The following EGFLAM variants were observed in gnomAD, a reference collection of about 807,000 sequenced individuals.
EGFLAM encodes EGF like, fibronectin type III and laminin G domains.
Under a neutral mutation model 113.1 loss-of-function variants are expected in EGFLAM, and 79 were observed. The ratio of observed to expected loss-of-function variants is 0.70; its 90% CI spans 0.58 to 0.84. EGFLAM has a LOEUF of 0.84. Among genes scored for constraint, EGFLAM ranks in the 40% least tolerant of loss-of-function variants. The pLI is 0.00. For synonymous variants in EGFLAM, 504 were observed against 487.6 expected (o/e 1.03, Z -0.44); for missense variants, 1,265 against 1,291.6 (o/e 0.98, Z 0.32).
chr5:38,448,434 A>G, intron 18 of EGFLAM, 55 bp downstream of exon 18: 1 of 1,562,666 alleles, frequency 6.4e-7, no homozygotes, highest in Non-Finnish European at 8.8e-7. Context: ...ATTTCTCTAT[A>G]TCTTTCTCAG....
At chr5:38,307,945 G>A (rs1015048166) in intron 1 of EGFLAM, among the ~76,000 whole-genome samples, 4 of 152,122 alleles carry the variant, frequency 2.6e-5, no homozygotes, top group Admixed American at 1.3e-4. Context: ...ATGTTTCTCT[G>A]GTATGCTCTG....
At chr5:38,332,871 C>A (rs907257950) in intron 1 of EGFLAM, among the ~76,000 whole-genome samples, 1 of 152,170 alleles carries the variant, frequency 6.6e-6, no homozygotes, top group Non-Finnish European at 1.5e-5. Context: ...CTTCAGTGTG[C>A]GCGTCATAGC....
chr5:38,416,242 C>A (rs1476222532), intron 11 of EGFLAM, among the ~76,000 whole-genome samples: 1 of 152,110 alleles, frequency 6.6e-6, no homozygotes, highest in East Asian at 1.9e-4. Context: ...CAGCAACAGA[C>A]CTGAGATGTG....
chr5:38,289,325 ACC>A, intron 1 of EGFLAM, among the ~76,000 whole-genome samples: 2 of 150,358 alleles, frequency 1.3e-5, no homozygotes, highest in Middle Eastern at 7.0e-3. Context: ...TTTACTTGAA[ACC>A]TGTAATAGGC....
intron 21 of EGFLAM, 41 bp from the exon 22 acceptor site, chr5:38,463,791 T>A: frequency 6.2e-7 from 1 of 1,605,358 alleles, no homozygotes; most frequent in Non-Finnish European, 8.5e-7. Context: ...TGCGGACACC[T>A]GTCCTTTGGC....
intron 20 of EGFLAM, 78 bp downstream of exon 20, chr5:38,458,472 C>T: frequency 7.0e-7 from 1 of 1,435,106 alleles, no homozygotes; most frequent in Non-Finnish European, 9.6e-7. Flanking sequence ...CTTGTAGTCC[C>T]ACTGTCCTGT....
At chr5:38,449,517 C>T (rs1043003431) in intron 18 of EGFLAM, among the ~76,000 whole-genome samples, 1 of 152,094 alleles carries the variant, frequency 6.6e-6, no homozygotes, top group African/African-American at 2.4e-5. Context: ...GCAGTGACAG[C>T]GTGAAAGGGG....
chr5:38,409,882 C>T (rs13157800), intron 10 of EGFLAM, among the ~76,000 whole-genome samples: 49 of 152,192 alleles, frequency 3.2e-4, no homozygotes, highest in Non-Finnish European at 4.3e-4. Flanking sequence ...AGAGTTTTGT[C>T]GAAGGGTGAA....
rs771484348 is a variant in EGFLAM, at chr5:38,463,989, C to T, written c.*3C>T. On this transcript the variant is annotated 3_prime_UTR_variant, in exon 22 of 22. Coordinates refer to ENST00000322350, the MANE Select transcript of EGFLAM (RefSeq NM_152403.4). ...TCAACACTTGTGGAGCCAAGTAACA[C>T]CAGCTGGCCTTGTCCAAGGGACAGA... The T allele has an allele frequency of 1.8e-5, 29 of 1,614,090 alleles. No homozygotes were observed. The Admixed American group carries it at 4.7e-4, about 26-fold the overall frequency.
intron 17 of EGFLAM, among the ~76,000 whole-genome samples, chr5:38,440,045 A>C (rs1339328449): frequency 1.3e-5 from 2 of 152,214 alleles, no homozygotes; most frequent in Admixed American, 1.3e-4. Context: ...GCTCACATTT[A>C]TAGCTTTGTA....
intron 6 of EGFLAM, among the ~76,000 whole-genome samples, chr5:38,378,294 C>G (rs1227730488): frequency 6.6e-6 from 1 of 152,126 alleles, no homozygotes; most frequent in Non-Finnish European, 1.5e-5. Flanking sequence ...GTGAGTCTGG[C>G]TTTTGCCCAG....
At chr5:38,445,593 G>C in intron 17 of EGFLAM, 2 of 1,598,002 alleles carry the variant, frequency 1.3e-6, no homozygotes, top group South Asian at 1.1e-5. Flanking sequence ...CTGGCTTCAA[G>C]TGATCTGCAA....
intron 13 of EGFLAM, 25 bp downstream of exon 13, chr5:38,425,117 G>A (rs761972993): frequency 1.6e-5 from 26 of 1,607,172 alleles, no homozygotes; most frequent in Middle Eastern, 1.7e-4. Flanking sequence ...AGTTGAAGGC[G>A]GTTTCTATCT....
intron 11 of EGFLAM, among the ~76,000 whole-genome samples, chr5:38,413,765 C>G (rs1347776772): frequency 6.6e-6 from 1 of 152,152 alleles, no homozygotes; most frequent in Admixed American, 6.6e-5. Flanking sequence ...GCAGTGGTCC[C>G]CAACCTTTTT....
intron 19 of EGFLAM, among the ~76,000 whole-genome samples, chr5:38,452,676 A>G (rs1282204299): frequency 6.6e-6 from 1 of 152,228 alleles, no homozygotes; most frequent in Non-Finnish European, 1.5e-5. Flanking sequence ...AGCTGTGGGA[A>G]GGAGAATCCC....
At chr5:38,279,953 TA>T (rs1757974341) in intron 1 of EGFLAM, among the ~76,000 whole-genome samples, 1 of 152,218 alleles carries the variant, frequency 6.6e-6, no homozygotes, top group African/African-American at 2.4e-5. Context: ...ATATATACTT[TA>T]AAACATTATG....
In EGFLAM at chr5:38,412,505, T is replaced by C; in HGVS notation, c.1351T>C (p.Phe451Leu). The C allele has an allele frequency of 6.2e-7, 1 of 1,613,972 alleles. No individual in the cohort carries two copies. The highest frequency in any genetic ancestry group is 8.5e-7 in the Non-Finnish European group (1 of 1,180,006). Residue 451 changes from phenylalanine (F) to leucine (L), a missense_variant and splice_region_variant, in exon 11 of 22, where the codon TTT (phenylalanine) becomes CTT (leucine). Coordinates refer to ENST00000322350, the MANE Select transcript of EGFLAM (RefSeq NM_152403.4). ...AIIRRSLQFR[F>L]NCGTGVAIIV... ...TCTTTTCCTTTTCCTCCCCAACAGG[T>C]TTAATTGTGGAACTGGGGTTGCCAT...
intron 12 of EGFLAM, among the ~76,000 whole-genome samples, chr5:38,420,072 G>T (rs963869270): frequency 6.6e-6 from 1 of 152,010 alleles, no homozygotes; most frequent in Non-Finnish European, 1.5e-5. Context: ...AAAAACCAAT[G>T]GTACAGAACA....
chr5:38,399,934 A>G (rs1741062770), intron 6 of EGFLAM: 1 of 152,230 alleles, frequency 6.6e-6, no homozygotes, highest in African/African-American at 2.4e-5. Context: ...TTGCTTTTTC[A>G]TCCACATAAG....
Sources: gnomAD v4.1 joint callset for allele counts (sites outside exome capture counted in the v4.1 genomes callset) on GRCh38, gnomAD v4.1.1 for gene constraint, MANE v1.5 for transcripts, NCBI Gene and HGNC (gene_info 2026-07-23, HGNC 2026-07-21) for gene names.